PCDH9: variants seen among roughly 807,000 people sequenced by gnomAD.
PCDH9 encodes protocadherin 9.
Under a neutral mutation model 70.6 loss-of-function variants are expected in PCDH9, and 24 were observed. The ratio of observed to expected loss-of-function variants is 0.34; its 90% CI spans 0.25 to 0.48. The LOEUF (loss-of-function observed/expected upper bound fraction) is 0.48. Ranked by LOEUF, PCDH9 falls within the 20% of genes least tolerant of loss-of-function variation. The pLI, the probability that PCDH9 is intolerant of heterozygous loss-of-function variation, is 0.99. For missense variants in PCDH9, 1,281 were observed against 1,503.6 expected (o/e 0.85, Z 2.45); for synonymous variants, 562 against 558.5 (o/e 1.01, Z -0.09).
chr13:66,901,133 A>T (rs989166140), intron 3 of PCDH9, among the ~76,000 whole-genome samples: 10 of 151,780 alleles, frequency 6.6e-5, no homozygotes, highest in African/African-American at 2.2e-4. Context: ...TCGAAAGATG[A>T]CATCACTTAT....
chr13:66,910,860 T>A (rs1326242469), intron 2 of PCDH9, among the ~76,000 whole-genome samples: 1 of 152,232 alleles, frequency 6.6e-6, no homozygotes, highest in East Asian at 1.9e-4. Context: ...TATAAAGTTT[T>A]AGCAACTCTG....
intron 3 of PCDH9, among the ~76,000 whole-genome samples, chr13:66,870,952 G>A (rs1381504962): frequency 4.6e-5 from 7 of 152,008 alleles, no homozygotes; most frequent in East Asian, 1.9e-4. Context: ...TGTTTACTGC[G>A]GCACTATTCA....
chr13:66,701,109 T>G (rs2078640882), intron 3 of PCDH9, among the ~76,000 whole-genome samples: 3 of 151,316 alleles, frequency 2.0e-5, no homozygotes, highest in African/African-American at 7.3e-5. Context: ...AATAAAAATT[T>G]GAGATATTTG....
chr13:66,855,036 A>T (rs2081372691), intron 3 of PCDH9, among the ~76,000 whole-genome samples: 1 of 152,072 alleles, frequency 6.6e-6, no homozygotes. Flanking sequence ...TTCCTTTCTA[A>T]ATGGAAATCT....
intron 3 of PCDH9, among the ~76,000 whole-genome samples, chr13:66,885,744 A>G (rs917614996): frequency 8.5e-5 from 13 of 152,184 alleles, no homozygotes; most frequent in African/African-American, 3.1e-4. Flanking sequence ...TGAAACTTAT[A>G]AGAATAAAAC....
At chr13:66,321,105 T>C (rs1322461984) in intron 4 of PCDH9, among the ~76,000 whole-genome samples, 3 of 152,004 alleles carry the variant, frequency 2.0e-5, no homozygotes, top group Non-Finnish European at 4.4e-5. Context: ...CTTAGCTTAC[T>C]GGGCTCCTGA....
chr13:66,727,099 T>A (rs1329249742), intron 3 of PCDH9, among the ~76,000 whole-genome samples: 1 of 152,054 alleles, frequency 6.6e-6, no homozygotes, highest in Admixed American at 6.6e-5. Flanking sequence ...AGATTCCATT[T>A]CTACAAAACA....
intron 3 of PCDH9, among the ~76,000 whole-genome samples, chr13:66,885,525 A>G (rs1194579016): frequency 6.6e-6 from 1 of 152,176 alleles, no homozygotes; most frequent in Non-Finnish European, 1.5e-5. Flanking sequence ...ACAATAATTT[A>G]TATTATAGAA....
At position 66,829,717 on chromosome 13, in the gene PCDH9, C is replaced by CAAAAAAAAAAAAAAAAAAAAAAAA. The variant is rs562176354; in HGVS notation, c.3138+73763_3138+73786dup. 1.1e-4 allele frequency among the ~76,000 whole-genome samples: 6 copies of CAAAAAAAAAAAAAAAAAAAAAAAA among 53,128 alleles called. 2 individuals carry two copies. The highest frequency in any genetic ancestry group is 2.8e-4 in the African/African-American group (4 of 14,056). 34.9% of individuals were successfully genotyped at this position (53,128 alleles called of 152,430 possible). On this transcript the variant is annotated intron_variant, in intron 3 of 4. Coordinates refer to ENST00000377865, the MANE Select transcript of PCDH9 (RefSeq NM_203487.3). ...TGGGCGACAGAGCGAGACTCCGTCT[C>CAAAAAAAAAAAAAAAAAAAAAAAA]AAAAAAAAAAAAAAAAAAAAAAAAA...
intron 2 of PCDH9, among the ~76,000 whole-genome samples, chr13:67,002,216 T>C (rs975063888): frequency 5.9e-5 from 9 of 152,150 alleles, no homozygotes; most frequent in African/African-American, 2.2e-4. Flanking sequence ...TATTTATTAT[T>C]AAAAATTTAA....
At chr13:66,682,491 G>A (rs776207946) in intron 3 of PCDH9, among the ~76,000 whole-genome samples, 2 of 151,932 alleles carry the variant, frequency 1.3e-5, no homozygotes, top group Non-Finnish European at 2.9e-5. Flanking sequence ...GCTGTTCATT[G>A]CAGAATTTTT....
Position 66,428,933 on chromosome 13 carries a change from C to T in PCDH9, c.3341-123905G>A, listed in dbSNP as rs137887317. Among the ~76,000 whole-genome samples the T allele has an allele frequency of 6.6e-5, 10 of 151,784 alleles. No individual in the cohort carries two copies. In the East Asian group the frequency reaches 1.6e-3, roughly 24 times the overall value. Reference sequence around the variant, plus strand: ...ATCTATAAGTAATCAAATAGCTGCACATTTAGTGTAATAATGGCCATATTT... The same window carrying T: ...ATCTATAAGTAATCAAATAGCTGCATATTTAGTGTAATAATGGCCATATTT... On this transcript the variant is annotated intron_variant, in intron 4 of 4. Transcript: ENST00000377865.
chr13:66,828,851 TA>T (rs35110058), intron 3 of PCDH9, among the ~76,000 whole-genome samples: 50,184 of 150,338 alleles, frequency 0.33, 9,412 homozygotes, highest in Non-Finnish European at 0.43. Context: ...AATGTGGGGA[TA>T]AAAAAAGTTC....
At chr13:66,977,187 T>C (rs1207672816) in intron 2 of PCDH9, among the ~76,000 whole-genome samples, 1 of 152,136 alleles carries the variant, frequency 6.6e-6, no homozygotes, top group Non-Finnish European at 1.5e-5. Flanking sequence ...CACCTTTATA[T>C]GTTTAGAATA....
At chr13:66,541,930 T>A (rs1437076581) in intron 4 of PCDH9, among the ~76,000 whole-genome samples, 1 of 152,176 alleles carries the variant, frequency 6.6e-6, no homozygotes, top group Non-Finnish European at 1.5e-5. Context: ...GTTTTCCTTA[T>A]CTGTAATTGG....
At chr13:66,699,311 T>G (rs2078606258) in intron 3 of PCDH9, among the ~76,000 whole-genome samples, 2 of 152,134 alleles carry the variant, frequency 1.3e-5, no homozygotes, top group Non-Finnish European at 2.9e-5. Flanking sequence ...CACTAACACC[T>G]GGCATGTCTG....
At chr13:66,752,462 GTTTTTTGTA>G (rs2079475504) in intron 3 of PCDH9, among the ~76,000 whole-genome samples, 1 of 151,912 alleles carries the variant, frequency 6.6e-6, no homozygotes, top group South Asian at 2.1e-4. Context: ...ATGCTCAGCT[GTTTTTTGTA>G]TTTTTTGTAG....
intron 4 of PCDH9, among the ~76,000 whole-genome samples, chr13:66,627,637 A>C (rs2077516146): frequency 6.6e-6 from 1 of 152,034 alleles, no homozygotes; most frequent in South Asian, 2.1e-4. Flanking sequence ...ATGATGAACA[A>C]GGCACTGTCA....
At chr13:66,316,992 G>T (rs1955664765) in intron 4 of PCDH9, among the ~76,000 whole-genome samples, 1 of 152,048 alleles carries the variant, frequency 6.6e-6, no homozygotes, top group Non-Finnish European at 1.5e-5. Flanking sequence ...CAAAATGCTG[G>T]GATTATAGGT....
Sources: gnomAD v4.1 joint callset for allele counts (sites outside exome capture counted in the v4.1 genomes callset) on GRCh38, gnomAD v4.1.1 for gene constraint, MANE v1.5 for transcripts, NCBI Gene and HGNC (gene_info 2026-07-23, HGNC 2026-07-21) for gene names.